ARHGEF4: variants seen among roughly 807,000 people sequenced by gnomAD.
The protein encoded by ARHGEF4 is APC-stimulated guanine nucleotide exchange factor 1.
A neutral mutation model predicts 162.0 loss-of-function variants in ARHGEF4; 119 were observed. The observed-to-expected ratio is 0.73, with a 90% CI of 0.63 to 0.86. The LOEUF (loss-of-function observed/expected upper bound fraction) is 0.86. Ranked by LOEUF, ARHGEF4 falls within the 40% of genes least tolerant of loss-of-function variation. The pLI is 0.00. For synonymous variants in ARHGEF4, 1,014 were observed against 979.9 expected (o/e 1.03, Z -0.65); for missense variants, 2,488 against 2,456.0 (o/e 1.01, Z -0.28).
chr2:130,946,287 C>T (rs547697712), intron 3 of ARHGEF4, among the ~76,000 whole-genome samples: 1 of 152,212 alleles, frequency 6.6e-6, no homozygotes, highest in Non-Finnish European at 1.5e-5. Context: ...CATGGAATGA[C>T]AGCCTATCCA....
intron 1 of ARHGEF4, among the ~76,000 whole-genome samples, chr2:130,864,764 C>T (rs1324009836): frequency 2.0e-5 from 3 of 152,182 alleles, no homozygotes; most frequent in Non-Finnish European, 2.9e-5. Context: ...AGTATTAGTA[C>T]AAACATGTTC....
intron 1 of ARHGEF4, among the ~76,000 whole-genome samples, chr2:130,889,398 T>C (rs1431962443): frequency 6.6e-6 from 1 of 152,122 alleles, no homozygotes; most frequent in Admixed American, 6.5e-5. Flanking sequence ...ATTAACTGCT[T>C]CCCTTGCTAT....
chr2:131,002,579 A>G (rs965714281), intron 4 of ARHGEF4, among the ~76,000 whole-genome samples: 4 of 152,020 alleles, frequency 2.6e-5, no homozygotes, highest in African/African-American at 7.3e-5. Flanking sequence ...GCGTGTTGGC[A>G]GGCACCTGTA....
At chr2:130,851,832 C>A (rs940900860) in intron 1 of ARHGEF4, among the ~76,000 whole-genome samples, 1 of 152,170 alleles carries the variant, frequency 6.6e-6, no homozygotes, top group African/African-American at 2.4e-5. Context: ...TGTGTAAGGC[C>A]CAAATGAGAC....
intron 1 of ARHGEF4, among the ~76,000 whole-genome samples, chr2:130,912,116 T>C (rs766192693): frequency 2.0e-5 from 3 of 152,230 alleles, no homozygotes; most frequent in Non-Finnish European, 2.9e-5. Context: ...AGCAGCCCTC[T>C]CAGTTCACTG....
At chr2:131,042,032 C>G in intron 10 of ARHGEF4, 88 bp downstream of exon 10, 1 of 1,501,016 alleles carries the variant, frequency 6.7e-7, no homozygotes, top group Non-Finnish European at 8.9e-7. Context: ...TAGAAGGGAG[C>G]TGAAGCAGGG....
At chr2:130,888,122 T>C (rs1296250000) in intron 1 of ARHGEF4, among the ~76,000 whole-genome samples, 1 of 152,134 alleles carries the variant, frequency 6.6e-6, no homozygotes. Flanking sequence ...CTTTGCCGTA[T>C]TCCTTTTTAC....
chr2:130,969,152 G>A (rs1449723121), intron 4 of ARHGEF4, among the ~76,000 whole-genome samples: 1 of 152,088 alleles, frequency 6.6e-6, no homozygotes, highest in African/African-American at 2.4e-5. Context: ...CTGAAGCTGG[G>A]AAAATCATCT....
Position 130,915,936 on chromosome 2 carries a change from C to G in ARHGEF4, c.1990C>G (p.Pro664Ala), listed in dbSNP as rs1320158442. 1 of 1,550,594 alleles carries G rather than the reference C, an allele frequency of 6.4e-7. No homozygotes were observed. The change falls in exon 2 of 14, where the codon CCA becomes GCA. Residue 664 changes from proline to alanine, a missense_variant. Around this residue, in one of 6 missense-constraint regions of ARHGEF4, gnomAD observed 1,642 missense variants for 1,481.5 expected, o/e 1.11. Coordinates refer to ENST00000409359, the MANE Select transcript of ARHGEF4 (RefSeq NM_001367493.1). ...TLPRDFPKERPESPLSTGETP... is the reference protein window; with the variant it reads ...TLPRDFPKERAESPLSTGETP... ...GCCCCGTGACTTTCCTAAGGAAAGACCAGAATCTCCCTTGAGCACTGGCGA... is the reference window on the plus strand; with the variant it reads ...GCCCCGTGACTTTCCTAAGGAAAGAGCAGAATCTCCCTTGAGCACTGGCGA...
intron 4 of ARHGEF4, among the ~76,000 whole-genome samples, chr2:131,019,432 A>G (rs1688953686): frequency 6.6e-6 from 1 of 151,594 alleles, no homozygotes; most frequent in South Asian, 2.1e-4. Context: ...AAGTCATTGG[A>G]TTTTTATAGG....
chr2:131,028,327 G>A (rs184085407), intron 5 of ARHGEF4, among the ~76,000 whole-genome samples: 103 of 152,306 alleles, frequency 6.8e-4, no homozygotes, highest in Middle Eastern at 3.4e-3. Context: ...CAATGCCAGC[G>A]TGCTGGTCCA....
rs546782905 is a variant in ARHGEF4 at position 131,005,209 on chromosome 2, A to T, written c.3986-22736A>T. Among the ~76,000 whole-genome samples the T allele has an allele frequency of 4.0e-3, 612 of 152,316 alleles. 8 individuals carry two copies. The highest frequency in any genetic ancestry group is 0.014 in the African/African-American group (583 of 41,558). ...CATCCGCAGTCAGCAGTGGGCTGAT[A>T]TCTGTCACGCTCTGGGGGCAGAGCT... On this transcript the variant is annotated intron_variant, in intron 4 of 13. Coordinates refer to ENST00000409359, the MANE Select transcript of ARHGEF4 (RefSeq NM_001367493.1).
In ARHGEF4 at chr2:130,987,406, G is replaced by A. The variant is rs1189757624; in HGVS notation, c.3986-40539G>A. Among the ~76,000 whole-genome samples, 5 of 152,304 alleles carry A rather than the reference G, an allele frequency of 3.3e-5. 1 individual carries two copies. Among genetic ancestry groups the A allele is most frequent in the Admixed American group, 2.0e-4 (3 of 15,298 alleles). On this transcript the variant is annotated intron_variant, in intron 4 of 13. Coordinates refer to ENST00000409359, the MANE Select transcript of ARHGEF4 (RefSeq NM_001367493.1). ...GTGTTACAGCACTTAAAGATGGCAC[G>A]GGTGAGCGGTAGCAAAAGAGCGAAA... is the stretch of plus-strand genomic sequence containing the variant.
chr2:130,918,049 T>C (rs1681631360), intron 2 of ARHGEF4, among the ~76,000 whole-genome samples: 1 of 152,184 alleles, frequency 6.6e-6, no homozygotes, highest in Non-Finnish European at 1.5e-5. Context: ...CTTGAACTCC[T>C]GACCTCGTGA....
Position 130,915,947 on chromosome 2 carries a change from C to G in ARHGEF4, c.2001C>G (p.Pro667=). Residue 667 remains proline, a synonymous_variant, in exon 2 of 14, where the codon CCC becomes CCG. Transcript: ENST00000409359. ...RDFPKERPES[P]LSTGETPCES... is the part of the protein sequence containing the mutation. Reference sequence around the variant, plus strand: ...TTCCTAAGGAAAGACCAGAATCTCCCTTGAGCACTGGCGAGACCCCCTGTG... The same window carrying G: ...TTCCTAAGGAAAGACCAGAATCTCCGTTGAGCACTGGCGAGACCCCCTGTG... 1 of 1,550,606 alleles carries G rather than the reference C, an allele frequency of 6.4e-7. No individual in the cohort carries two copies.
At position 130,977,626 on chromosome 2, in the gene ARHGEF4, CTG is replaced by C. The variant is rs534416386; in HGVS notation, c.3985+30999_3985+31000del. ...ATGCGTTGCATATGTATGGTGTGTG[CTG>C]TGTGTGTTTTGTGTTTTGCATGTGT... On this transcript the variant is annotated intron_variant, in intron 4 of 13. Coordinates refer to ENST00000409359, the MANE Select transcript of ARHGEF4 (RefSeq NM_001367493.1). Among the ~76,000 whole-genome samples the C allele has an allele frequency of 2.2e-3, 334 of 151,006 alleles. 2 individuals carry two copies. The highest frequency in any genetic ancestry group is 0.014 in the Middle Eastern group (4 of 294).
intron 3 of ARHGEF4, among the ~76,000 whole-genome samples, chr2:130,941,104 A>C (rs1319218356): frequency 6.6e-6 from 1 of 152,194 alleles, no homozygotes; most frequent in East Asian, 1.9e-4. Context: ...AACCCATATG[A>C]GAAATGACCT....
At chr2:131,007,983 T>C (rs1197866490) in intron 4 of ARHGEF4, among the ~76,000 whole-genome samples, 1 of 151,874 alleles carries the variant, frequency 6.6e-6, no homozygotes, top group Non-Finnish European at 1.5e-5. Context: ...CAGCTAATTT[T>C]TGTATTTTTA....
chr2:130,942,153 T>TTG (rs1683343846), intron 3 of ARHGEF4, among the ~76,000 whole-genome samples: 2 of 54,696 alleles, frequency 3.7e-5, no homozygotes, highest in African/African-American at 6.5e-4. Flanking sequence ...TTCTTTTTTC[T>TTG]TTTTTTTTTT....
Sources: allele counts gnomAD v4.1 joint callset (sites outside exome capture counted in the v4.1 genomes callset), GRCh38; gene constraint gnomAD v4.1.1; regional missense constraint gnomAD v4.1.1; transcripts MANE v1.5; gene names NCBI Gene and HGNC (gene_info 2026-07-23, HGNC 2026-07-21).